The following IQCJ variants were observed in gnomAD, a reference collection of about 807,000 sequenced individuals.
The protein encoded by IQCJ is IQ domain-containing protein J.
Under a neutral mutation model 11.0 loss-of-function variants are expected in IQCJ, and 9 were observed. The observed-to-expected ratio is 0.82, with a 90% confidence interval of 0.49 to 1.43. The LOEUF (loss-of-function observed/expected upper bound fraction) is 1.43. IQCJ is among the 40% of genes most tolerant of loss of function. The pLI, the probability that IQCJ is intolerant of heterozygous loss-of-function variation, is 0.00. For missense variants in IQCJ, 146 were observed against 133.2 expected (o/e 1.10, Z -0.47); for synonymous variants, 55 against 51.3 (o/e 1.07, Z -0.31).
chr3:159,235,912 ATGT>A (rs1726554184), intron 1 of IQCJ, among the ~76,000 whole-genome samples: 1 of 152,194 alleles, frequency 6.6e-6, no homozygotes, highest in African/African-American at 2.4e-5. Flanking sequence ...AAGGCAGCTA[ATGT>A]TAATAATAAG....
In IQCJ at chr3:159,127,152, G is replaced by A. The variant is rs138869894; in HGVS notation, c.9+57711G>A. On this transcript the variant is annotated intron_variant, in intron 1 of 3. Transcript: ENST00000397832. ...GACAAACACATTTTGAAGGTTGATT[G>A]TTGGCAGAGCACCATCATAGCCAAG... Among the ~76,000 whole-genome samples the A allele has an allele frequency of 5.0e-3, 769 of 152,352 alleles. 3 individuals are homozygous for A. The highest frequency in any genetic ancestry group is 7.5e-3 in the Non-Finnish European group (507 of 68,042).
chr3:159,123,759 G>T (rs773969403), intron 1 of IQCJ, among the ~76,000 whole-genome samples: 8 of 152,178 alleles, frequency 5.3e-5, no homozygotes, highest in Admixed American at 2.0e-4. Context: ...GCTGTCAGGA[G>T]TGAGGACCTT....
intron 1 of IQCJ, among the ~76,000 whole-genome samples, chr3:159,176,415 A>G (rs1577061678): frequency 6.6e-6 from 1 of 152,158 alleles, no homozygotes; most frequent in East Asian, 1.9e-4. Context: ...AAAACCCAAT[A>G]TTTAATTATT....
At chr3:159,141,532 G>T (rs1389270189) in intron 1 of IQCJ, among the ~76,000 whole-genome samples, 1 of 152,124 alleles carries the variant, frequency 6.6e-6, no homozygotes, top group African/African-American at 2.4e-5. Flanking sequence ...TACAAATAAG[G>T]CAAAAGCAGC....
intron 1 of IQCJ, among the ~76,000 whole-genome samples, chr3:159,095,517 C>T (rs1236378230): frequency 8.8e-6 from 1 of 113,334 alleles, no homozygotes; most frequent in Non-Finnish European, 1.8e-5. Flanking sequence ...CTCCCCCCTC[C>T]CCCGACCCCA....
chr3:159,265,186 A>C (rs371672436), downstream of IQCJ: 5 of 1,592,566 alleles, frequency 3.1e-6, no homozygotes, highest in Non-Finnish European at 4.3e-6. Context: ...TTAGTGAGCT[A>C]AGCTTGTTTT....
intron 3 of IQCJ, among the ~76,000 whole-genome samples, chr3:159,261,791 G>T (rs1261789058): frequency 6.6e-6 from 1 of 152,118 alleles, no homozygotes; most frequent in Non-Finnish European, 1.5e-5. Context: ...TATTTTTTCT[G>T]ATACTAATCA....
intron 1 of IQCJ, among the ~76,000 whole-genome samples, chr3:159,077,158 A>T (rs1205209262): frequency 6.6e-6 from 1 of 152,144 alleles, no homozygotes; most frequent in Non-Finnish European, 1.5e-5. Flanking sequence ...TGTCTGCTGA[A>T]AATTGATAGT....
At chr3:159,093,827 C>T (rs1717520861) in intron 1 of IQCJ, among the ~76,000 whole-genome samples, 1 of 151,804 alleles carries the variant, frequency 6.6e-6, no homozygotes, top group South Asian at 2.1e-4. Flanking sequence ...CTTTATAAAA[C>T]CATCAGATCT....
intron 1 of IQCJ, among the ~76,000 whole-genome samples, chr3:159,086,091 G>A (rs1255990551): frequency 6.6e-6 from 1 of 152,128 alleles, no homozygotes; most frequent in Non-Finnish European, 1.5e-5. Flanking sequence ...ATTGATTTTT[G>A]TATAAGGTGT....
intron 1 of IQCJ, among the ~76,000 whole-genome samples, chr3:159,115,174 T>C (rs1718893964): frequency 1.3e-5 from 2 of 152,184 alleles, no homozygotes; most frequent in African/African-American, 4.8e-5. Flanking sequence ...TTTCATATAA[T>C]AAAAGTTTAT....
chr3:159,257,333 A>G (rs2108226195), intron 3 of IQCJ, among the ~76,000 whole-genome samples: 1 of 152,254 alleles, frequency 6.6e-6, no homozygotes, highest in Non-Finnish European at 1.5e-5. Flanking sequence ...TGGGTGCATT[A>G]TTTCTGAAGC....
chr3:159,150,248 C>T (rs1196040928), intron 1 of IQCJ, among the ~76,000 whole-genome samples: 5 of 152,026 alleles, frequency 3.3e-5, no homozygotes, highest in South Asian at 2.1e-4. Flanking sequence ...GGATGGAAAC[C>T]GATAGAAAGT....
chr3:159,262,789 C>T lies in IQCJ; in HGVS notation c.*58C>T, dbSNP rs1392841536. The T allele has an allele frequency of 7.0e-6, 11 of 1,566,504 alleles. No homozygotes were observed. The East Asian group carries it at 1.6e-4, about 23-fold the overall frequency. On this transcript the variant is annotated 3_prime_UTR_variant, in exon 4 of 4. Transcript: ENST00000397832. ...TGGGATGTGAGCAGGTGGTTTGTGA[C>T]AGTGAAGATCTATGTAGCTTATTTG...
At chr3:159,228,382 A>C (rs537931621) in intron 1 of IQCJ, among the ~76,000 whole-genome samples, 2 of 152,352 alleles carry the variant, frequency 1.3e-5, no homozygotes, top group Non-Finnish European at 2.9e-5. Flanking sequence ...CCTACTTGTT[A>C]TGAAGCAATT....
At chr3:159,244,422 G>T (rs1281723883) in intron 1 of IQCJ, among the ~76,000 whole-genome samples, 1 of 152,096 alleles carries the variant, frequency 6.6e-6, no homozygotes, top group African/African-American at 2.4e-5. Context: ...GGAAGAAATG[G>T]CCATCTCTTA....
chr3:159,116,648 A>C (rs969788448), intron 1 of IQCJ, among the ~76,000 whole-genome samples: 1 of 37,378 alleles, frequency 2.7e-5, no homozygotes, highest in Non-Finnish European at 5.0e-5. Context: ...ATATATATAT[A>C]TATATATATA....
At chr3:159,247,717 A>G (rs1350856395) in intron 2 of IQCJ, among the ~76,000 whole-genome samples, 2 of 152,192 alleles carry the variant, frequency 1.3e-5, no homozygotes, top group Non-Finnish European at 2.9e-5. Context: ...GGGGAAGGTT[A>G]GAGGAATATT....
At chr3:159,225,448 G>T (rs1725802574) in intron 1 of IQCJ, among the ~76,000 whole-genome samples, 1 of 152,092 alleles carries the variant, frequency 6.6e-6, no homozygotes. Context: ...GAACAGTTAT[G>T]CATCTTGATC....
Sources: gnomAD v4.1 joint callset for allele counts (sites outside exome capture counted in the v4.1 genomes callset) on GRCh38, gnomAD v4.1.1 for gene constraint, MANE v1.5 for transcripts, NCBI Gene and HGNC (gene_info 2026-07-23, HGNC 2026-07-21) for gene names.